Variants in SPG11 observed in about 807,000 individuals in gnomAD.
SPG11 encodes spatacsin.
A neutral mutation model predicts 274.0 loss-of-function variants in SPG11; 222 were observed. The observed-to-expected ratio is 0.81, with a 90% CI of 0.73 to 0.91. The LOEUF is 0.91. SPG11 is among the 40% of genes least tolerant of loss of function. The pLI, the probability that SPG11 is intolerant of heterozygous loss-of-function variation, is 0.00. For missense variants in SPG11, 3,114 were observed against 2,872.7 expected (o/e 1.08, Z -1.92); for synonymous variants, 1,144 against 1,039.7 (o/e 1.10, Z -1.93).
At chr15:44,607,539 G>A (rs150554575) in intron 19 of SPG11, among the ~76,000 whole-genome samples, 1,909 of 152,234 alleles carry the variant, frequency 0.013, 50 homozygotes, top group African/African-American at 0.044. Flanking sequence ...AAAGTGTTGG[G>A]ATTACAGGCA....
chr15:44,662,007 G>C (rs1303418879), intron 1 of SPG11, among the ~76,000 whole-genome samples: 1 of 151,844 alleles, frequency 6.6e-6, no homozygotes, highest in Admixed American at 6.6e-5. Context: ...ATTTCATCTC[G>C]GTCTTACCTT....
At chr15:44,568,702 C>T (rs2082356142) in intron 35 of SPG11, among the ~76,000 whole-genome samples, 1 of 151,882 alleles carries the variant, frequency 6.6e-6, no homozygotes, top group Non-Finnish European at 1.5e-5. Flanking sequence ...CTTAGCAGCA[C>T]AATTTTTCAC....
intron 22 of SPG11, 36 bp from the exon 23 acceptor site, chr15:44,598,409 GA>G: frequency 6.3e-7 from 1 of 1,582,120 alleles, no homozygotes; most frequent in Non-Finnish European, 8.7e-7. Context: ...ATGGTGAAGA[GA>G]AAAAGTCAAA....
chr15:44,626,628 T>A, intron 10 of SPG11, 121 bp from the exon 11 acceptor site: 1 of 1,055,748 alleles, frequency 9.5e-7, no homozygotes, highest in Non-Finnish European at 1.4e-6. Flanking sequence ...AATCTATTAC[T>A]AGATTTGGAG....
At position 44,566,076 on chromosome 15, in the gene SPG11, A is replaced by G. The variant is rs970558224; in HGVS notation, c.6844-67T>C. On this transcript the variant is annotated intron_variant, in intron 37 of 39. Transcript: ENST00000261866. Reference sequence around the variant, plus strand: ...GTTGTCACCTCCTGTGTGAACCCTCACAACGGTATTCACCCCTTCTGTTCC... The same window carrying G: ...GTTGTCACCTCCTGTGTGAACCCTCGCAACGGTATTCACCCCTTCTGTTCC... The G allele has an allele frequency of 3.1e-6, 5 of 1,602,580 alleles. No individual in the cohort carries two copies. The African/African-American group carries it at 4.0e-5, about 13-fold the overall frequency.
Position 44,595,422 on chromosome 15 carries a change from A to T in SPG11, c.4472T>A (p.Ile1491Asn). The change falls in exon 26 of 40, where the codon ATC becomes AAC. Residue 1491 changes from isoleucine (I) to asparagine (N), a missense_variant. Coordinates refer to ENST00000261866, the MANE Select transcript of SPG11 (RefSeq NM_025137.4). ...SAISCLCVWI[I>N]TSVEDNVATE... Reference sequence around the variant, plus strand: ...TGCAACATTGTCCTCCACAGAAGTGATGATCCAAACACAGAGACAAGAAAT... The same window carrying T: ...TGCAACATTGTCCTCCACAGAAGTGTTGATCCAAACACAGAGACAAGAAAT... 1 of 1,614,228 alleles carries T rather than the reference A, an allele frequency of 6.2e-7. No homozygotes were observed. The highest frequency in any genetic ancestry group is 8.5e-7 in the Non-Finnish European group (1 of 1,180,030).
Position 44,563,025 on chromosome 15 carries a change from G to T in SPG11, c.*96C>A. 1 of 1,294,214 alleles carries T rather than the reference G, an allele frequency of 7.7e-7. No individual in the cohort carries two copies. Among genetic ancestry groups the T allele is most frequent in the Non-Finnish European group, 1.1e-6 (1 of 900,970 alleles). The allele number at this position is 1,294,214 out of a possible 1,614,324, so 80.2% of individuals were successfully genotyped here. On this transcript the variant is annotated 3_prime_UTR_variant, in exon 40 of 40. Transcript: ENST00000261866. ...ACTGATATGGTACAGTACCGGGATT[G>T]TTCAACTTTAGCAAAGATCTCCAAT...
chr15:44,647,128 C>G (rs1223739327), intron 7 of SPG11, among the ~76,000 whole-genome samples: 1 of 152,152 alleles, frequency 6.6e-6, no homozygotes, highest in Non-Finnish European at 1.5e-5. Context: ...ACAGACATTT[C>G]TCCAAAGACG....
At position 44,581,825 on chromosome 15, in the gene SPG11, G is replaced by A. The variant is rs183384466; in HGVS notation, c.5866+1989C>T. On this transcript the variant is annotated intron_variant, in intron 30 of 39. Coordinates refer to ENST00000261866, the MANE Select transcript of SPG11 (RefSeq NM_025137.4). ...ATTCCTCCTACATTCCAGCTGAGGTGGTAAAATATTGATTCTAAGTATACT... is the reference window on the plus strand; with the variant it reads ...ATTCCTCCTACATTCCAGCTGAGGTAGTAAAATATTGATTCTAAGTATACT... 4.7e-3 allele frequency among the ~76,000 whole-genome samples: 709 copies of A among 151,984 alleles called. 9 individuals carry two copies. Among genetic ancestry groups the A allele is most frequent in the Non-Finnish European group, 4.0e-3 (274 of 67,958 alleles).
intron 20 of SPG11, among the ~76,000 whole-genome samples, chr15:44,601,265 TTA>T (rs1319625500): frequency 5.3e-5 from 8 of 152,248 alleles, no homozygotes; most frequent in Admixed American, 5.2e-4. Flanking sequence ...AATTGATTTT[TTA>T]TTTTTTTTTT....
chr15:44,563,040 A>G lies in SPG11; in HGVS notation c.*81T>C, dbSNP rs1449794824. ...TACCGGGATTGTTCAACTTTAGCAA[A>G]GATCTCCAATGCATTCTTCTTCTCA... On this transcript the variant is annotated 3_prime_UTR_variant, in exon 40 of 40. Coordinates refer to ENST00000261866, the MANE Select transcript of SPG11 (RefSeq NM_025137.4). 2.6e-5 allele frequency: 37 copies of G among 1,418,002 alleles called. No individual in the cohort carries two copies. The highest frequency in any genetic ancestry group is 3.0e-6 in the Non-Finnish European group (3 of 1,007,404). 87.8% of individuals were successfully genotyped at this position (1,418,002 alleles called of 1,614,324 possible). A position where few individuals can be genotyped will look rare whatever the true frequency, so the allele number is the denominator to read the frequency against.
chr15:44,623,975 G>T (rs368731957), intron 11 of SPG11, among the ~76,000 whole-genome samples: 30 of 152,076 alleles, frequency 2.0e-4, no homozygotes, highest in African/African-American at 7.2e-4. Flanking sequence ...GGCCAGACTG[G>T]TCTCAAACTC....
intron 25 of SPG11, 37 bp downstream of exon 25, chr15:44,596,046 C>T: frequency 6.2e-7 from 1 of 1,611,532 alleles, no homozygotes; most frequent in Non-Finnish European, 8.5e-7. Context: ...TTCTATTGTT[C>T]TCTGGGTACT....
intron 5 of SPG11, 84 bp downstream of exon 5, chr15:44,652,045 A>C: frequency 1.3e-6 from 2 of 1,586,584 alleles, no homozygotes; most frequent in East Asian, 4.5e-5. Flanking sequence ...GTATCTATCA[A>C]ATAAAGACCT....
chr15:44,568,281 G>A lies in SPG11; in HGVS notation c.6586-689C>T, dbSNP rs142625297. Among the ~76,000 whole-genome samples, 172 of 152,302 alleles carry A rather than the reference G, an allele frequency of 1.1e-3. 2 individuals are homozygous for A. The East Asian group carries it at 0.032, about 29-fold the overall frequency. ...AAAGTTATTAAAATATTTAAATGCA[G>A]AAGGAAAACTGCCTCAAAAACAGTT... is the stretch of plus-strand genomic sequence containing the variant. On this transcript the variant is annotated intron_variant, in intron 35 of 39. Transcript: ENST00000261866.
intron 8 of SPG11, among the ~76,000 whole-genome samples, chr15:44,631,523 T>C (rs983828921): frequency 1.3e-5 from 2 of 152,170 alleles, no homozygotes; most frequent in Non-Finnish European, 2.9e-5. Flanking sequence ...GTTGGCTTTA[T>C]AGACATGGAA....
At chr15:44,631,539 G>A (rs1430409944) in intron 8 of SPG11, among the ~76,000 whole-genome samples, 1 of 152,042 alleles carries the variant, frequency 6.6e-6, no homozygotes, top group East Asian at 1.9e-4. Context: ...TGGAAGAGCT[G>A]AAGAAAGCAG....
At chr15:44,660,993 G>GAA (rs1162138304) in intron 1 of SPG11, among the ~76,000 whole-genome samples, 1 of 152,070 alleles carries the variant, frequency 6.6e-6, no homozygotes, top group African/African-American at 2.4e-5. Flanking sequence ...CAATAAAATA[G>GAA]GCTTTTGATA....
chr15:44,616,531 T>C (rs540418639), intron 15 of SPG11, among the ~76,000 whole-genome samples: 3 of 152,298 alleles, frequency 2.0e-5, no homozygotes, highest in Middle Eastern at 3.4e-3. Context: ...ATTACACATA[T>C]ATGCAATCCC....
Sources: allele counts gnomAD v4.1 joint callset (sites outside exome capture counted in the v4.1 genomes callset), GRCh38; gene constraint gnomAD v4.1.1; transcripts MANE v1.5; gene names NCBI Gene and HGNC (gene_info 2026-07-23, HGNC 2026-07-21).